The following KIAA1671 variants were observed in gnomAD, a reference collection of about 807,000 sequenced individuals.
KIAA1671 encodes uncharacterized protein KIAA1671.
In KIAA1671, 52 loss-of-function variants were observed where a neutral mutation model predicts 131.2. The observed-to-expected ratio is 0.40, with a 90% confidence interval of 0.32 to 0.50. The LOEUF (loss-of-function observed/expected upper bound fraction) is 0.50, where lower values mean the gene tolerates loss of function less well. Ranked by LOEUF, KIAA1671 falls within the 20% of genes least tolerant of loss-of-function variation. The pLI is 0.73. For missense variants in KIAA1671, 2,360 were observed against 2,364.2 expected, an observed-to-expected ratio of 1.00 and a Z score of 0.04; for synonymous variants, 1,003 against 961.6, an observed-to-expected ratio of 1.04 and a Z score of -0.80.
intron 6 of KIAA1671, among the ~76,000 whole-genome samples, chr22:25,140,536 C>G (rs999001243): frequency 6.6e-5 from 10 of 152,196 alleles, no homozygotes; most frequent in Non-Finnish European, 1.0e-4. Context: ...CATCCCATCC[C>G]CTTTGCCACA....
At chr22:25,048,248 G>A (rs1383014537) in intron 5 of KIAA1671, among the ~76,000 whole-genome samples, 5 of 152,218 alleles carry the variant, frequency 3.3e-5, no homozygotes, top group Admixed American at 2.6e-4. Context: ...TGGGATCTCC[G>A]AGTCTGGAGT....
chr22:24,973,264 A>G (rs1175230546), intron 1 of KIAA1671, among the ~76,000 whole-genome samples: 3 of 152,158 alleles, frequency 2.0e-5, no homozygotes, highest in Admixed American at 2.0e-4. Flanking sequence ...CCCGGAGGCC[A>G]GTGAGGAAGC....
chr22:25,179,332 G>A (rs1934174772), intron 9 of KIAA1671: 1 of 1,591,902 alleles, frequency 6.3e-7, no homozygotes, highest in Non-Finnish European at 8.6e-7. Flanking sequence ...TCCTCTCGCT[G>A]CTCCTTGTTC....
chr22:25,161,300 C>T (rs1237552915), intron 6 of KIAA1671, among the ~76,000 whole-genome samples: 2 of 152,234 alleles, frequency 1.3e-5, no homozygotes, highest in African/African-American at 4.8e-5. Flanking sequence ...TTCAGTACCA[C>T]CAACTGAGGC....
intron 3 of KIAA1671, among the ~76,000 whole-genome samples, chr22:25,031,569 A>G (rs1211125160): frequency 3.3e-5 from 5 of 152,134 alleles, no homozygotes; most frequent in African/African-American, 1.2e-4. Context: ...TGACCTCATG[A>G]TCTGCCCGCC....
rs117491369 is a variant in KIAA1671, at chr22:24,964,947, C to T, written c.-208+12175C>T. On this transcript the variant is annotated intron_variant, in intron 1 of 12. Transcript: ENST00000358431. Reference sequence around the variant, plus strand: ...AAATCCTAGTGTTAGATCCTGTTCCCACATGTTGATGCTGTGTGGCTTTGC... The same window carrying T: ...AAATCCTAGTGTTAGATCCTGTTCCTACATGTTGATGCTGTGTGGCTTTGC... Among the ~76,000 whole-genome samples, 524 of 152,236 alleles carry T rather than the reference C, an allele frequency of 3.4e-3. 18 individuals carry two copies. In the East Asian group the frequency reaches 0.078, roughly 23 times the overall value.
chr22:24,993,113 A>C (rs5760780), intron 1 of KIAA1671, among the ~76,000 whole-genome samples: 97,515 of 151,830 alleles, frequency 0.64, 33,500 homozygotes, highest in African/African-American at 0.9. Flanking sequence ...GCCAGCAGTT[A>C]TCACCTGGAT....
At chr22:25,187,761 G>A (rs1482001311) in intron 11 of KIAA1671, among the ~76,000 whole-genome samples, 1 of 152,152 alleles carries the variant, frequency 6.6e-6, no homozygotes, top group Non-Finnish European at 1.5e-5. Context: ...GCCTCCCAAA[G>A]TGCTAGGATT....
At chr22:25,053,492 G>C (rs938995071) in intron 6 of KIAA1671, 2 of 152,240 alleles carry the variant, frequency 1.3e-5, no homozygotes, top group African/African-American at 4.8e-5. Flanking sequence ...ATGGGCCAGC[G>C]GGAGGGCCTC....
intron 6 of KIAA1671, among the ~76,000 whole-genome samples, chr22:25,124,639 C>T (rs1210633499): frequency 1.8e-4 from 28 of 152,162 alleles, no homozygotes; most frequent in Admixed American, 1.8e-3. Flanking sequence ...TGCCTGGAAC[C>T]TCGGAAGTGC....
At chr22:25,024,875 A>G (rs1033463503) in intron 1 of KIAA1671, among the ~76,000 whole-genome samples, 6 of 145,014 alleles carry the variant, frequency 4.1e-5, no homozygotes, top group African/African-American at 1.5e-4. Context: ...TAGCTATGCT[A>G]AGTCCTGCCA....
At position 25,029,038 on chromosome 22, in the gene KIAA1671, G is replaced by A; in HGVS notation, c.1039G>A (p.Val347Met). Residue 347 changes from valine (V) to methionine (M), a missense_variant, in exon 3 of 13, where the codon GTG becomes ATG. By Grantham distance (21) the Val-to-Met change is conservative. Transcript: ENST00000358431. ...TGATCCTGATTTGGACTTCCTGGAG[G>A]TGGCCAAGAAAATCCGTGAACGGAA... ...LHDPDLDFLE[V>M]AKKIRERKEK... The A allele has an allele frequency of 4.6e-6, 7 of 1,506,750 alleles. No homozygotes were observed. The highest frequency in any genetic ancestry group is 1.4e-5 in the African/African-American group (1 of 71,490). 93.3% of individuals were successfully genotyped at this position (1,506,750 alleles called of 1,614,324 possible).
intron 6 of KIAA1671, among the ~76,000 whole-genome samples, chr22:25,083,196 T>C (rs1483628263): frequency 6.6e-6 from 1 of 152,202 alleles, no homozygotes; most frequent in Non-Finnish European, 1.5e-5. Flanking sequence ...CTGAGGTCTC[T>C]CTCCTTGGCT....
At chr22:24,956,812 C>A (rs897509930) in intron 1 of KIAA1671, among the ~76,000 whole-genome samples, 4 of 146,382 alleles carry the variant, frequency 2.7e-5, no homozygotes, top group Non-Finnish European at 5.9e-5. Context: ...GCGGAGCTTA[C>A]AGTGAGCCGA....
chr22:25,032,898 A>G (rs1482589209), intron 4 of KIAA1671, among the ~76,000 whole-genome samples: 4 of 152,210 alleles, frequency 2.6e-5, no homozygotes, highest in African/African-American at 9.7e-5. Flanking sequence ...CAGGTGTTAA[A>G]TGCTGTTTAC....
In KIAA1671 at chr22:25,177,649, T is replaced by C. The variant is rs1934085855; in HGVS notation, c.5074+127T>C. ...ATTAGAACACAATTACATAGGAAACTGATTTTTTTTTTCATGTCTTAAACA... is the reference window on the plus strand; with the variant it reads ...ATTAGAACACAATTACATAGGAAACCGATTTTTTTTTTCATGTCTTAAACA... On this transcript the variant is annotated intron_variant, in intron 9 of 12. Coordinates refer to ENST00000358431, the MANE Select transcript of KIAA1671 (RefSeq NM_001145206.2). 8 of 782,296 alleles carry C rather than the reference T, an allele frequency of 1.0e-5. No individual in the cohort carries two copies. The East Asian group carries it at 2.2e-4, about 21-fold the overall frequency. 48.5% of individuals were successfully genotyped at this position (782,296 alleles called of 1,614,324 possible).
chr22:24,955,407 G>A (rs1320599902), intron 1 of KIAA1671, among the ~76,000 whole-genome samples: 4 of 152,184 alleles, frequency 2.6e-5, no homozygotes, highest in Non-Finnish European at 5.9e-5. Context: ...CTATAAGGAG[G>A]GATGCGGGTC....
intron 6 of KIAA1671, chr22:25,112,080 C>G (rs1036619480): frequency 4.8e-5 from 19 of 397,878 alleles, no homozygotes; most frequent in African/African-American, 3.7e-4. Flanking sequence ...CCCAAAACTT[C>G]CATGAGCAAA....
intron 6 of KIAA1671, among the ~76,000 whole-genome samples, chr22:25,129,877 G>T (rs1189114106): frequency 1.3e-5 from 2 of 152,196 alleles, no homozygotes; most frequent in Non-Finnish European, 2.9e-5. Flanking sequence ...TGGACATGTT[G>T]TGAAGAATAC....
Sources: allele counts gnomAD v4.1 joint callset (sites outside exome capture counted in the v4.1 genomes callset), GRCh38; gene constraint gnomAD v4.1.1; transcripts MANE v1.5; gene names NCBI Gene and HGNC (gene_info 2026-07-23, HGNC 2026-07-21).